DGKB: variants seen among roughly 807,000 people sequenced by gnomAD.
DGKB encodes the protein diacylglycerol kinase beta, also known as 90 kDa diacylglycerol kinase.
DGKB carries 67 observed loss-of-function variants against 114.3 expected under a neutral mutation model. That is an observed-to-expected ratio of 0.59 (90% CI 0.48 to 0.72). DGKB has a LOEUF of 0.72. Among genes scored for constraint, DGKB ranks in the 30% least tolerant of loss-of-function variants. The pLI is 0.00. For synonymous variants in DGKB, 398 were observed against 323.1 expected (o/e 1.23, Z -2.49); for missense variants, 907 against 975.2 (o/e 0.93, Z 0.93).
chr7:14,851,263 T>C (rs1849310455), intron 1 of DGKB, among the ~76,000 whole-genome samples: 1 of 152,208 alleles, frequency 6.6e-6, no homozygotes, highest in Non-Finnish European at 1.5e-5. Flanking sequence ...GGGAAATCTT[T>C]GGTGATGCAA....
chr7:14,388,743 A>G (rs948594555), intron 21 of DGKB, among the ~76,000 whole-genome samples: 5 of 152,156 alleles, frequency 3.3e-5, no homozygotes, highest in Non-Finnish European at 7.3e-5. Context: ...GATGGAGAAA[A>G]AAGAAGACTG....
At chr7:14,879,675 G>A (rs1430428992) in intron 1 of DGKB, among the ~76,000 whole-genome samples, 3 of 152,148 alleles carry the variant, frequency 2.0e-5, no homozygotes, top group Non-Finnish European at 4.4e-5. Context: ...AACATTCGTA[G>A]TAACAGTCCC....
At position 14,149,022 on chromosome 7, in the gene DGKB, C is replaced by T; in HGVS notation, c.*109G>A. 2 of 966,526 alleles carry T rather than the reference C, an allele frequency of 2.1e-6. No homozygotes were observed. Among genetic ancestry groups the T allele is most frequent in the South Asian group, 2.7e-5 (2 of 72,980 alleles). The allele number at this position is 966,526 out of a possible 1,614,324, so 59.9% of individuals were successfully genotyped here. A position where few individuals can be genotyped will look rare whatever the true frequency, so the allele number is the denominator to read the frequency against. On this transcript the variant is annotated 3_prime_UTR_variant, in exon 26 of 26. Coordinates refer to ENST00000402815, the MANE Select transcript of DGKB (RefSeq NM_001350709.2). ...AGTAACAAAAACTGTTAAACCACTT[C>T]CATGATTTTGCATGAGCAGGAGACT...
chr7:14,841,644 G>C (rs1432470870), intron 1 of DGKB, among the ~76,000 whole-genome samples, 194 bp from the exon 2 acceptor site: 2 of 152,010 alleles, frequency 1.3e-5, no homozygotes, highest in African/African-American at 4.8e-5. Context: ...CACATTCCAC[G>C]AGTAGACAGT....
intron 23 of DGKB, among the ~76,000 whole-genome samples, chr7:14,275,972 C>T (rs538365200): frequency 1.3e-5 from 2 of 152,296 alleles, no homozygotes; most frequent in South Asian, 2.1e-4. Flanking sequence ...AGACAGATTT[C>T]TGAAATCCTC....
chr7:14,425,113 A>G (rs1827304987), intron 21 of DGKB, among the ~76,000 whole-genome samples: 2 of 152,164 alleles, frequency 1.3e-5, no homozygotes. Flanking sequence ...ATTGAAATTT[A>G]TATGATTTTC....
chr7:14,311,787 G>A (rs1440085188), intron 23 of DGKB, among the ~76,000 whole-genome samples: 2 of 151,974 alleles, frequency 1.3e-5, no homozygotes, highest in African/African-American at 4.8e-5. Context: ...TTTTTACAAT[G>A]TTTCCGTATT....
chr7:14,921,124 A>G (rs893566941), intron 1 of DGKB, among the ~76,000 whole-genome samples: 4 of 152,114 alleles, frequency 2.6e-5, no homozygotes, highest in African/African-American at 4.8e-5. Context: ...CGAAAAGGCA[A>G]AACTAGAGAG....
intron 23 of DGKB, among the ~76,000 whole-genome samples, chr7:14,272,654 C>T (rs1040810445): frequency 6.6e-6 from 1 of 152,114 alleles, no homozygotes; most frequent in African/African-American, 2.4e-5. Context: ...AGATGTCCTA[C>T]ATGACTGAAA....
In DGKB at chr7:14,807,018, G is replaced by A. The variant is rs145938435; in HGVS notation, c.70+34176C>T. Among the ~76,000 whole-genome samples the A allele has an allele frequency of 2.8e-4, 43 of 151,966 alleles. No individual in the cohort carries two copies. The East Asian group carries it at 7.9e-3, about 28-fold the overall frequency. On this transcript the variant is annotated intron_variant, in intron 2 of 25. Transcript: ENST00000402815. ...CTATCACTGCTGGAGTAATCCTGTT[G>A]TCAGAAGGAGAGACAAGGAAGTTCT...
At chr7:14,675,485 A>C (rs1819688950) in intron 12 of DGKB, among the ~76,000 whole-genome samples, 1 of 152,126 alleles carries the variant, frequency 6.6e-6, no homozygotes, top group Admixed American at 6.6e-5. Context: ...AGATAGAATC[A>C]TGCAATAGAT....
At chr7:14,302,562 T>C (rs1222206911) in intron 23 of DGKB, among the ~76,000 whole-genome samples, 2 of 152,122 alleles carry the variant, frequency 1.3e-5, no homozygotes, top group Non-Finnish European at 2.9e-5. Flanking sequence ...TTCCTTGCTC[T>C]TGTTCAAAAG....
rs35486620 is a variant in DGKB at position 14,696,501 on chromosome 7, CAAAAAAAAAAAAAAAA to C, written c.591+1578_591+1593del. 9.1e-3 allele frequency among the ~76,000 whole-genome samples: 410 copies of C among 45,102 alleles called. 4 individuals are homozygous for C. The highest frequency in any genetic ancestry group is 0.021 in the African/African-American group (354 of 16,526). The allele number at this position is 45,102 out of a possible 152,430, so 29.6% of individuals were successfully genotyped here. ...TGGGCGACAGAGCGAGACTCCGTCT[CAAAAAAAAAAAAAAAA>C]AAAAAAAAAAAAAAAAGAAACCTGA... On this transcript the variant is annotated intron_variant, in intron 8 of 25. Transcript: ENST00000402815.
intron 2 of DGKB, among the ~76,000 whole-genome samples, chr7:14,825,697 A>G (rs914994630): frequency 6.6e-6 from 1 of 152,122 alleles, no homozygotes; most frequent in African/African-American, 2.4e-5. Flanking sequence ...GTACCAGTAC[A>G]GGTCAGTGGC....
chr7:14,932,902 C>G (rs1587407844), intron 1 of DGKB, among the ~76,000 whole-genome samples: 2 of 152,124 alleles, frequency 1.3e-5, no homozygotes, highest in Non-Finnish European at 2.9e-5. Context: ...GGATGGTCTT[C>G]GTCCACCTTG....
chr7:14,753,533 A>G (rs1335991398), intron 4 of DGKB, among the ~76,000 whole-genome samples: 2 of 152,056 alleles, frequency 1.3e-5, no homozygotes. Flanking sequence ...AACAAAACAA[A>G]GCCTTATCAT....
intron 1 of DGKB, among the ~76,000 whole-genome samples, chr7:14,912,533 C>T (rs996319693): frequency 2.0e-5 from 3 of 152,142 alleles, no homozygotes; most frequent in Middle Eastern, 3.4e-3. Flanking sequence ...TGGAGGACCA[C>T]GCAGGAGGCT....
intron 23 of DGKB, among the ~76,000 whole-genome samples, chr7:14,258,413 G>A (rs1193429894): frequency 6.6e-6 from 1 of 152,168 alleles, no homozygotes; most frequent in African/African-American, 2.4e-5. Flanking sequence ...TAGATTTGTT[G>A]ACTAGGAGAA....
intron 20 of DGKB, among the ~76,000 whole-genome samples, chr7:14,542,148 A>G (rs978277419): frequency 5.3e-5 from 8 of 151,176 alleles, no homozygotes; most frequent in Non-Finnish European, 8.8e-5. Flanking sequence ...TAACCTCCAC[A>G]CTCTTTTTAA....
Sources: gnomAD v4.1 joint callset for allele counts (sites outside exome capture counted in the v4.1 genomes callset) on GRCh38, gnomAD v4.1.1 for gene constraint, MANE v1.5 for transcripts, NCBI Gene and HGNC (gene_info 2026-07-23, HGNC 2026-07-21) for gene names.